PIK3C2G: variants seen among roughly 807,000 people sequenced by gnomAD.
PIK3C2G encodes the protein phosphatidylinositol-4-phosphate 3-kinase catalytic subunit type 2 gamma, also known as phosphatidylinositol 3-kinase C2 domain-containing subunit gamma.
In PIK3C2G, 168 loss-of-function variants were observed where a neutral mutation model predicts 181.1. That is an observed-to-expected ratio of 0.93 (90% CI 0.82 to 1.05). The LOEUF is 1.05. Ranked by LOEUF, PIK3C2G falls within the 50% of genes least tolerant of loss-of-function variation. PIK3C2G has a pLI of 0.00. For synonymous variants in PIK3C2G, 573 were observed against 592.2 expected, an observed-to-expected ratio of 0.97 and a Z score of 0.47; for missense variants, 1,869 against 1,732.8, an observed-to-expected ratio of 1.08 and a Z score of -1.40.
the PIK3C2G span, among the ~76,000 whole-genome samples, chr12:18,667,565 C>G: frequency 8.5e-5 from 13 of 152,086 alleles, no homozygotes; most frequent in East Asian, 1.4e-3. Flanking sequence ...TCTATTTTTA[C>G]TTGAGATCCT....
chr12:18,588,009 C>G (rs953163287), intron 29 of PIK3C2G, among the ~76,000 whole-genome samples: 3 of 151,966 alleles, frequency 2.0e-5, no homozygotes, highest in Non-Finnish European at 2.9e-5. Flanking sequence ...GGAAAGCACT[C>G]CCTATTCAAT....
intron 18 of PIK3C2G, among the ~76,000 whole-genome samples, chr12:18,456,273 G>A (rs540574306): frequency 7.2e-5 from 11 of 152,194 alleles, no homozygotes; most frequent in Admixed American, 7.2e-4. Context: ...TTAAGGATGC[G>A]GACACACAAG....
the PIK3C2G span, among the ~76,000 whole-genome samples, chr12:18,698,970 C>T: frequency 6.6e-6 from 1 of 152,162 alleles, no homozygotes; most frequent in Non-Finnish European, 1.5e-5. Flanking sequence ...GCAGAGTCAC[C>T]TGGCTCTTAA....
intron 24 of PIK3C2G, among the ~76,000 whole-genome samples, chr12:18,507,974 T>C (rs766273141): frequency 2.0e-5 from 3 of 152,206 alleles, no homozygotes; most frequent in Non-Finnish European, 4.4e-5. Flanking sequence ...AGCAGTATCA[T>C]AGGTCAATTA....
chr12:18,283,883 C>A (rs1203565232), intron 2 of PIK3C2G, among the ~76,000 whole-genome samples: 1 of 151,978 alleles, frequency 6.6e-6, no homozygotes, highest in Non-Finnish European at 1.5e-5. Context: ...AACATAAATC[C>A]TTGAGAAAAG....
chr12:18,660,643 A>G, the PIK3C2G span, among the ~76,000 whole-genome samples: 1 of 152,186 alleles, frequency 6.6e-6, no homozygotes, highest in Non-Finnish European at 1.5e-5. Flanking sequence ...CTTGGCACAG[A>G]GAAGCCTATA....
chr12:18,700,559 G>A, the PIK3C2G span, among the ~76,000 whole-genome samples: 2 of 143,516 alleles, frequency 1.4e-5, no homozygotes, highest in South Asian at 2.3e-4. Flanking sequence ...CAAGAGATAG[G>A]CATTCCACTG....
chr12:18,322,156 G>A (rs1346843601), intron 7 of PIK3C2G, among the ~76,000 whole-genome samples: 13 of 152,176 alleles, frequency 8.5e-5, no homozygotes, highest in Admixed American at 5.2e-4. Context: ...AGGCCTAGGC[G>A]GGCGGATCAC....
intron 13 of PIK3C2G, among the ~76,000 whole-genome samples, chr12:18,375,398 CAA>C (rs1331315187): frequency 6.6e-6 from 1 of 152,198 alleles, no homozygotes; most frequent in Non-Finnish European, 1.5e-5. Context: ...GAGTATCTGA[CAA>C]GAGAAATTTC....
downstream of PIK3C2G, among the ~76,000 whole-genome samples, chr12:18,650,659 TATAA>T (rs1375952189): frequency 9.2e-6 from 1 of 108,474 alleles, no homozygotes; most frequent in Non-Finnish European, 1.9e-5. Context: ...ATAACTGGAA[TATAA>T]ATGTGTGTGT....
At chr12:18,257,728 A>AGGAG (rs1283596421), upstream of PIK3C2G, among the ~76,000 whole-genome samples, 7 of 149,610 alleles carry the variant, frequency 4.7e-5, no homozygotes, top group South Asian at 2.2e-4. Flanking sequence ...GGTGGAAGGA[A>AGGAG]GGAGGGAGGG....
chr12:18,310,592 G>A (rs1260631994), intron 5 of PIK3C2G, among the ~76,000 whole-genome samples: 1 of 151,790 alleles, frequency 6.6e-6, no homozygotes, highest in Non-Finnish European at 1.5e-5. Context: ...CTGTCACATA[G>A]TAATTAAATT....
At chr12:18,345,582 G>T (rs975331928) in intron 10 of PIK3C2G, among the ~76,000 whole-genome samples, 1 of 152,122 alleles carries the variant, frequency 6.6e-6, no homozygotes, top group Non-Finnish European at 1.5e-5. Flanking sequence ...GCATCCAACT[G>T]CCTGTGTGCT....
At chr12:18,718,689 C>G in the PIK3C2G span, among the ~76,000 whole-genome samples, 2 of 152,112 alleles carry the variant, frequency 1.3e-5, no homozygotes, top group African/African-American at 4.8e-5. Flanking sequence ...TAAGTAACAC[C>G]CTCCACCCCA....
rs111441408 is a variant in PIK3C2G at position 18,414,201 on chromosome 12, T to G, written c.2316-6740T>G. On this transcript the variant is annotated intron_variant, in intron 16 of 32. Transcript: ENST00000538779. ...AAAAGGGCATATGATTTGAAGCTTT[T>G]TTCTAGTGTTAGTCATGAGTTCGTA... Among the ~76,000 whole-genome samples the G allele has an allele frequency of 6.6e-3, 1,004 of 152,302 alleles. 4 individuals are homozygous for G. Among genetic ancestry groups the G allele is most frequent in the Non-Finnish European group, 0.012 (807 of 68,002 alleles).
At chr12:18,387,396 C>G (rs1468003711) in intron 14 of PIK3C2G, among the ~76,000 whole-genome samples, 1 of 152,294 alleles carries the variant, frequency 6.6e-6, no homozygotes, top group Middle Eastern at 3.4e-3. Flanking sequence ...CCCATCGCTT[C>G]TCTTGCCAGT....
intron 18 of PIK3C2G, among the ~76,000 whole-genome samples, chr12:18,451,645 C>A (rs541158676): frequency 1.2e-4 from 18 of 152,260 alleles, no homozygotes; most frequent in Non-Finnish European, 2.2e-4. Flanking sequence ...GCATCCTTAT[C>A]TTGTGCTGGT....
downstream of PIK3C2G, among the ~76,000 whole-genome samples, chr12:18,648,674 G>T (rs1264159237): frequency 6.6e-6 from 1 of 151,888 alleles, no homozygotes; most frequent in Admixed American, 6.6e-5. Flanking sequence ...TTTAAACTTG[G>T]TTATGCCTGG....
intron 17 of PIK3C2G, among the ~76,000 whole-genome samples, chr12:18,423,399 T>C (rs1192843531): frequency 6.6e-6 from 1 of 152,020 alleles, no homozygotes; most frequent in Admixed American, 6.6e-5. Flanking sequence ...GTTATCTCTG[T>C]TTTCTACCCA....
Sources: allele counts gnomAD v4.1 joint callset (sites outside exome capture counted in the v4.1 genomes callset), GRCh38; gene constraint gnomAD v4.1.1; transcripts MANE v1.5; gene names NCBI Gene and HGNC (gene_info 2026-07-23, HGNC 2026-07-21).